Variants in MEF2B observed in about 807,000 individuals in gnomAD.
MEF2B encodes myocyte-specific enhancer factor 2B.
MEF2B carries 15 observed loss-of-function variants against 32.2 expected under a neutral mutation model. The observed-to-expected ratio is 0.47, with a 90% CI of 0.31 to 0.72. The LOEUF is 0.72. MEF2B is among the 30% of genes least tolerant of loss of function. The probability of loss-of-function intolerance (pLI) is 0.05; values close to 1 mark genes in which losing one functional copy is unlikely to be tolerated. For synonymous variants in MEF2B, 205 were observed against 225.6 expected (o/e 0.91, Z 0.82); for missense variants, 441 against 511.5 (o/e 0.86, Z 1.33).
At chr19:19,164,215 A>G (rs887087591) in intron 1 of MEF2B, among the ~76,000 whole-genome samples, 11 of 151,712 alleles carry the variant, frequency 7.3e-5, no homozygotes, top group African/African-American at 2.7e-4. Flanking sequence ...TGATCCACCC[A>G]CCTCAGCCTC....
At chr19:19,161,768 T>A (rs1339192878) in intron 1 of MEF2B, among the ~76,000 whole-genome samples, 1 of 128,688 alleles carries the variant, frequency 7.8e-6, no homozygotes, top group African/African-American at 2.9e-5. Context: ...GGCCCCCCCA[T>A]CCCTGCAGTG....
At chr19:19,169,931 C>T in intron 1 of MEF2B, among the ~76,000 whole-genome samples, 1 of 152,108 alleles carries the variant, frequency 6.6e-6, no homozygotes, top group East Asian at 1.9e-4. Context: ...GGACACACAG[C>T]TAACTCTCCA....
At chr19:19,163,011 TCCCTACTTG>T (rs1446996538) in intron 1 of MEF2B, among the ~76,000 whole-genome samples, 1 of 152,032 alleles carries the variant, frequency 6.6e-6, no homozygotes, top group East Asian at 1.9e-4. Flanking sequence ...CCAAACTGAT[TCCCTACTTG>T]CCCATCACTC....
chr19:19,150,749 G>A lies in MEF2B; in HGVS notation c.-14C>T. On this transcript the variant is annotated 5_prime_UTR_variant, in exon 2 of 9. Coordinates refer to ENST00000424583, the MANE Select transcript of MEF2B (RefSeq NM_001145785.2). ...TTTCCTCCCCATCGTCCCAGGCTGA[G>A]TGGAATGATCTTTGTCTAGGAGGAG... 1.9e-6 allele frequency: 3 copies of A among 1,614,164 alleles called. No individual in the cohort carries two copies. The highest frequency in any genetic ancestry group is 1.3e-5 in the African/African-American group (1 of 75,040).
At chr19:19,166,730 G>A (rs192338112) in intron 1 of MEF2B, among the ~76,000 whole-genome samples, 1 of 151,776 alleles carries the variant, frequency 6.6e-6, no homozygotes, top group East Asian at 1.9e-4. Flanking sequence ...CTCAAGGAAA[G>A]ACAGAAAGAC....
chr19:19,160,650 G>C (rs962455083), intron 1 of MEF2B, among the ~76,000 whole-genome samples: 1 of 149,554 alleles, frequency 6.7e-6, no homozygotes, highest in Admixed American at 6.7e-5. Context: ...GTGAGGGCCC[G>C]CGGGAGGCGG....
intron 2 of MEF2B, among the ~76,000 whole-genome samples, chr19:19,149,777 T>A (rs1599721286): frequency 6.6e-6 from 1 of 151,490 alleles, no homozygotes; most frequent in Non-Finnish European, 1.5e-5. Flanking sequence ...AATAAATGAA[T>A]AATGATCATG....
chr19:19,149,089 G>C, intron 3 of MEF2B, 137 bp downstream of exon 3: 1 of 1,146,432 alleles, frequency 8.7e-7, no homozygotes. Flanking sequence ...GTCCCTTCTA[G>C]GGACAGCAGA....
rs770627751 is a variant in MEF2B, at chr19:19,146,257, G to T, written c.881+16C>A. On this transcript the variant is annotated intron_variant, in intron 8 of 8. Transcript: ENST00000424583. ...CTTTGGAGGACTGGGACTTGCCGTC[G>T]TCTCAGGGCACTTACCTGGGCTGGG... 740 of 1,186,656 alleles carry T rather than the reference G, an allele frequency of 6.2e-4. No individual in the cohort carries two copies. Among genetic ancestry groups the T allele is most frequent in the Non-Finnish European group, 7.7e-4 (700 of 903,978 alleles). The allele number at this position is 1,186,656 out of a possible 1,614,324, so 73.5% of individuals were successfully genotyped here.
intron 1 of MEF2B, among the ~76,000 whole-genome samples, chr19:19,155,146 C>T (rs912499566): frequency 5.9e-5 from 9 of 152,220 alleles, no homozygotes; most frequent in Non-Finnish European, 8.8e-5. Flanking sequence ...CCTGCTCATA[C>T]ACTCTCCATG....
rs559287887 is a variant in MEF2B, at chr19:19,152,804, G to A, written c.-29-2040C>T. On this transcript the variant is annotated intron_variant, in intron 1 of 8. Transcript: ENST00000424583. ...GGGCAAGGCCCTCCATTATCCCAGG[G>A]CCCAGAAGTGTTAGATACCTCGGCT... Among the ~76,000 whole-genome samples, 405 of 152,334 alleles carry A rather than the reference G, an allele frequency of 2.7e-3. 4 individuals are homozygous for A. The highest frequency in any genetic ancestry group is 0.011 in the South Asian group (54 of 4,830).
At chr19:19,169,990 A>G (rs2060241061) in intron 1 of MEF2B, among the ~76,000 whole-genome samples, 1 of 151,824 alleles carries the variant, frequency 6.6e-6, no homozygotes, top group Non-Finnish European at 1.5e-5. Context: ...TGGACACACA[A>G]CTTCCAGACC....
intron 1 of MEF2B, among the ~76,000 whole-genome samples, chr19:19,159,691 A>G (rs1210929329): frequency 1.3e-5 from 2 of 152,134 alleles, no homozygotes; most frequent in African/African-American, 4.8e-5. Flanking sequence ...GTGCGGAAGC[A>G]TCAGAAACTT....
At chr19:19,168,630 G>T (rs1490639048) in intron 1 of MEF2B, among the ~76,000 whole-genome samples, 2 of 149,856 alleles carry the variant, frequency 1.3e-5, no homozygotes, top group African/African-American at 4.9e-5. Context: ...ATCTTGCTCT[G>T]TCACCCAGGC....
intron 2 of MEF2B, among the ~76,000 whole-genome samples, chr19:19,150,049 C>T (rs550657811): frequency 1.7e-3 from 237 of 136,338 alleles, no homozygotes; most frequent in Non-Finnish European, 2.3e-3. Context: ...CGCTCCACTG[C>T]ACTCCAGCCT....
chr19:19,147,565 A>T, intron 4 of MEF2B, 133 bp downstream of exon 4: 1 of 1,529,782 alleles, frequency 6.5e-7, no homozygotes. Flanking sequence ...GCCTTTCCTG[A>T]CCAACCAGGT....
Position 19,150,182 on chromosome 19 carries a change from G to GGAA in MEF2B, c.54+499_54+500insTTC, listed in dbSNP as rs1568547570. On this transcript the variant is annotated intron_variant, in intron 2 of 8. Transcript: ENST00000424583. The stretch of plus-strand genomic sequence containing the variant: ...AGGGAGGGAGGGAAGGAGGGAGGGA[G>GGAA]GGAAGGAAGGAAGGAAGGAAGGAAG... 4.5e-3 allele frequency among the ~76,000 whole-genome samples: 499 copies of GGAA among 110,154 alleles called. 9 individuals carry two copies. The highest frequency in any genetic ancestry group is 0.018 in the African/African-American group (469 of 25,626). The allele number at this position is 110,154 out of a possible 152,430, so 72.3% of individuals were successfully genotyped here.
Position 19,150,736 on chromosome 19 carries a change from C to T in MEF2B, c.-1G>A, listed in dbSNP as rs755911329. ...AGATCTGGATTTTTTTCCTCCCCAT[C>T]GTCCCAGGCTGAGTGGAATGATCTT... On this transcript the variant is annotated 5_prime_UTR_variant, in exon 2 of 9. Transcript: ENST00000424583. 27 of 1,613,904 alleles carry T rather than the reference C, an allele frequency of 1.7e-5. No individual in the cohort carries two copies. Among genetic ancestry groups the T allele is most frequent in the Non-Finnish European group, 1.6e-5 (19 of 1,180,022 alleles).
intron 1 of MEF2B, among the ~76,000 whole-genome samples, chr19:19,152,155 T>C (rs570700801): frequency 6.6e-5 from 10 of 151,408 alleles, no homozygotes; most frequent in Admixed American, 1.3e-4. Context: ...GAGACGAGGT[T>C]TCACCATGTT....
Sources: gnomAD v4.1 joint callset for allele counts (sites outside exome capture counted in the v4.1 genomes callset) on GRCh38, gnomAD v4.1.1 for gene constraint, MANE v1.5 for transcripts, NCBI Gene and HGNC (gene_info 2026-07-23, HGNC 2026-07-21) for gene names.